Variants in C12orf42 observed in about 807,000 individuals in gnomAD.
The protein encoded by C12orf42 is uncharacterized protein C12orf42.
C12orf42 carries 25 observed loss-of-function variants against 21.6 expected under a neutral mutation model. The observed-to-expected ratio is 1.16, with a 90% CI of 0.84 to 1.62. C12orf42 has a LOEUF of 1.62. C12orf42 is among the 40% of genes most tolerant of loss of function. C12orf42 has a pLI of 0.00. For missense variants in C12orf42, 483 were observed against 459.3 expected (o/e 1.05, Z -0.47); for synonymous variants, 174 against 175.0 (o/e 0.99, Z 0.05).
chr12:103,189,827 C>G, the C12orf42 span, among the ~76,000 whole-genome samples: 1 of 152,188 alleles, frequency 6.6e-6, no homozygotes, highest in Non-Finnish European at 1.5e-5. Flanking sequence ...ACCCACAATC[C>G]TAGCCAGCCA....
At chr12:103,410,502 T>C (rs2048754535) in intron 2 of C12orf42, among the ~76,000 whole-genome samples, 1 of 152,206 alleles carries the variant, frequency 6.6e-6, no homozygotes, top group South Asian at 2.1e-4. Context: ...TCCCTGGAGA[T>C]GCTTCCAGGT....
chr12:103,129,331 A>G, the C12orf42 span, among the ~76,000 whole-genome samples: 2 of 152,180 alleles, frequency 1.3e-5, no homozygotes, highest in Non-Finnish European at 2.9e-5. Context: ...GTTATGCTAC[A>G]TGGAATGAAG....
intron 4 of C12orf42, among the ~76,000 whole-genome samples, chr12:103,307,035 G>A (rs573906010): frequency 1.3e-5 from 2 of 152,166 alleles, no homozygotes; most frequent in South Asian, 4.1e-4. Flanking sequence ...CTACCCTAGG[G>A]GCTTCAGAAA....
chr12:103,219,257 A>G, the C12orf42 span, among the ~76,000 whole-genome samples: 1 of 152,190 alleles, frequency 6.6e-6, no homozygotes. Context: ...ACAAACATTA[A>G]CTTGAGATGG....
chr12:103,483,545 T>A (rs1181005872), intron 1 of C12orf42, among the ~76,000 whole-genome samples: 1 of 152,210 alleles, frequency 6.6e-6, no homozygotes, highest in East Asian at 1.9e-4. Flanking sequence ...GGCTTGTAGT[T>A]ACGAAAATTA....
intron 10 of C12orf42, among the ~76,000 whole-genome samples, chr12:103,254,899 C>T (rs1331980612): frequency 6.6e-6 from 1 of 152,060 alleles, no homozygotes; most frequent in African/African-American, 2.4e-5. Flanking sequence ...ACATCCTGCA[C>T]GAGTACCCCA....
intron 4 of C12orf42, among the ~76,000 whole-genome samples, chr12:103,346,147 T>C (rs988869729): frequency 1.2e-4 from 19 of 152,178 alleles, no homozygotes; most frequent in African/African-American, 4.6e-4. Context: ...TTCTACAACA[T>C]AGAGGAAGCA....
At chr12:103,358,109 A>G (rs952182914) in intron 4 of C12orf42, among the ~76,000 whole-genome samples, 3 of 152,092 alleles carry the variant, frequency 2.0e-5, no homozygotes, top group Non-Finnish European at 4.4e-5. Context: ...GCTCATTCAT[A>G]GAATGACATA....
chr12:103,157,816 T>A, the C12orf42 span, among the ~76,000 whole-genome samples: 5 of 152,092 alleles, frequency 3.3e-5, no homozygotes, highest in African/African-American at 1.2e-4. Flanking sequence ...CTGAGAAATA[T>A]TACACTCCAA....
chr12:103,394,492 AC>A (rs2047346963), intron 3 of C12orf42, among the ~76,000 whole-genome samples: 1 of 152,180 alleles, frequency 6.6e-6, no homozygotes, highest in Admixed American at 6.5e-5. Context: ...AAGGTTACAA[AC>A]CTGTTTATGA....
At chr12:103,449,829 C>G (rs1951826060) in intron 2 of C12orf42, among the ~76,000 whole-genome samples, 1 of 150,796 alleles carries the variant, frequency 6.6e-6, no homozygotes. Context: ...AGCATTCACT[C>G]AAGTGAAAAT....
chr12:103,386,109 A>C (rs180801299), intron 3 of C12orf42, among the ~76,000 whole-genome samples: 2 of 152,358 alleles, frequency 1.3e-5, no homozygotes, highest in East Asian at 3.9e-4. Flanking sequence ...ACATATGCAG[A>C]TGAGAAAGCT....
At chr12:103,222,610 G>A in the C12orf42 span, among the ~76,000 whole-genome samples, 3 of 152,124 alleles carry the variant, frequency 2.0e-5, no homozygotes, top group Non-Finnish European at 4.4e-5. Context: ...ATCTCATCAG[G>A]GCCTTGCAGG....
the C12orf42 span, among the ~76,000 whole-genome samples, chr12:103,051,648 C>G: frequency 6.6e-6 from 1 of 152,314 alleles, no homozygotes; most frequent in African/African-American, 2.4e-5. Context: ...AGCTTCCTGA[C>G]CATGGGTGTC....
At chr12:103,500,622 A>C (rs1786980404), upstream of C12orf42, among the ~76,000 whole-genome samples, 1 of 152,244 alleles carries the variant, frequency 6.6e-6, no homozygotes, top group Admixed American at 6.5e-5. Flanking sequence ...ATAAATATTA[A>C]TCAGATGAGA....
At chr12:103,206,040 G>A in the C12orf42 span, among the ~76,000 whole-genome samples, 50 of 152,318 alleles carry the variant, frequency 3.3e-4, no homozygotes, top group African/African-American at 1.2e-3. Flanking sequence ...GTGACAAACT[G>A]GGAATTACTC....
At chr12:103,118,512 CTTTT>C in the C12orf42 span, among the ~76,000 whole-genome samples, 3 of 152,112 alleles carry the variant, frequency 2.0e-5, no homozygotes, top group East Asian at 5.8e-4. Context: ...AAAATACTAG[CTTTT>C]GGCTGGGCGC....
At chr12:103,226,972 G>C in the C12orf42 span, among the ~76,000 whole-genome samples, 1 of 152,158 alleles carries the variant, frequency 6.6e-6, no homozygotes, top group South Asian at 2.1e-4. Context: ...TTGCAGGATG[G>C]AAAAATTCAA....
the C12orf42 span, among the ~76,000 whole-genome samples, chr12:103,212,342 G>A: frequency 6.6e-6 from 1 of 152,126 alleles, no homozygotes; most frequent in Non-Finnish European, 1.5e-5. Context: ...GTTAACTAAT[G>A]TATTTGTTTC....
Sources: allele counts gnomAD v4.1 joint callset (sites outside exome capture counted in the v4.1 genomes callset), GRCh38; gene constraint gnomAD v4.1.1; transcripts MANE v1.5; gene names NCBI Gene and HGNC (gene_info 2026-07-23, HGNC 2026-07-21).